Variants in CALN1 observed in about 807,000 individuals in gnomAD.
CALN1 encodes calcium-binding protein 8.
Under a neutral mutation model 30.6 loss-of-function variants are expected in CALN1, and 17 were observed. The observed-to-expected ratio is 0.56, with a 90% CI of 0.38 to 0.83. The LOEUF (loss-of-function observed/expected upper bound fraction) is 0.83, where lower values mean the gene tolerates loss of function less well. Among genes scored for constraint, CALN1 ranks in the 40% least tolerant of loss-of-function variants. The pLI, the probability that CALN1 is intolerant of heterozygous loss-of-function variation, is 0.00. For synonymous variants in CALN1, 156 were observed against 131.4 expected (o/e 1.19, Z -1.28); for missense variants, 291 against 354.9 (o/e 0.82, Z 1.45).
chr7:72,363,515 A>G (rs976812131), intron 2 of CALN1, among the ~76,000 whole-genome samples: 2 of 152,050 alleles, frequency 1.3e-5, no homozygotes, highest in African/African-American at 4.8e-5. Flanking sequence ...TTGGGATTAC[A>G]GGTGTGAGCC....
rs970022600 is a variant in CALN1, at chr7:71,957,501, C to G, written c.501+66156G>C. Among the ~76,000 whole-genome samples, 5 of 152,326 alleles carry G rather than the reference C, an allele frequency of 3.3e-5. No homozygotes were observed. In the South Asian group the frequency reaches 8.3e-4, roughly 25 times the overall value. On this transcript the variant is annotated intron_variant, in intron 5 of 6. Coordinates refer to ENST00000395275, the MANE Select transcript of CALN1 (RefSeq NM_031468.4). ...AAGACACCACTCTCAAACCTTGACA[C>G]TCTTTCTCTACCCCATTACGATCTG...
At chr7:72,143,741 C>A (rs1399416539) in intron 3 of CALN1, among the ~76,000 whole-genome samples, 1 of 152,150 alleles carries the variant, frequency 6.6e-6, no homozygotes, top group Non-Finnish European at 1.5e-5. Context: ...TCGGGTTACC[C>A]ACAAAGGGAA....
chr7:72,395,376 C>CAT (rs1554399308), intron 2 of CALN1, among the ~76,000 whole-genome samples: 2 of 151,890 alleles, frequency 1.3e-5, no homozygotes, highest in Non-Finnish European at 2.9e-5. Context: ...CACACACACA[C>CAT]ATATCCAGGG....
At chr7:72,153,666 G>A (rs761108517) in intron 3 of CALN1, among the ~76,000 whole-genome samples, 1 of 152,064 alleles carries the variant, frequency 6.6e-6, no homozygotes, top group Non-Finnish European at 1.5e-5. Flanking sequence ...GGCCAACAGA[G>A]TGAGAACCTG....
At chr7:71,951,852 A>G (rs1796708060) in intron 5 of CALN1, among the ~76,000 whole-genome samples, 1 of 152,148 alleles carries the variant, frequency 6.6e-6, no homozygotes, top group Non-Finnish European at 1.5e-5. Flanking sequence ...TGACTTTGAA[A>G]TCATGCAAGC....
chr7:71,847,683 A>G (rs1298838118), intron 5 of CALN1, among the ~76,000 whole-genome samples: 1 of 150,418 alleles, frequency 6.6e-6, no homozygotes, highest in South Asian at 2.1e-4. Flanking sequence ...CTCTGTCAAA[A>G]AAAAAAAGGA....
intron 3 of CALN1, among the ~76,000 whole-genome samples, chr7:72,178,697 A>AAAAAAG (rs1554307423): frequency 2.0e-5 from 3 of 152,060 alleles, no homozygotes; most frequent in Admixed American, 1.3e-4. Context: ...TCAAAAAAAA[A>AAAAAAG]AAAGAAAGAA....
At chr7:72,251,377 T>C (rs1585268406) in intron 3 of CALN1, among the ~76,000 whole-genome samples, 1 of 152,112 alleles carries the variant, frequency 6.6e-6, no homozygotes, top group South Asian at 2.1e-4. Context: ...GGGACATTCT[T>C]TCTCTTTCCT....
In CALN1 at chr7:71,823,989, C is replaced by T. The variant is rs1788760209; in HGVS notation, c.502-13497G>A. ...ATGGGAAAGATCCGCCTTCATGATCCAATTACCTCCCATCAGCTCCCTCCC... is the reference window on the plus strand; with the variant it reads ...ATGGGAAAGATCCGCCTTCATGATCTAATTACCTCCCATCAGCTCCCTCCC... On this transcript the variant is annotated intron_variant, in intron 5 of 6. Transcript: ENST00000395275. Among the ~76,000 whole-genome samples, 9 of 152,200 alleles carry T rather than the reference C, an allele frequency of 5.9e-5. No homozygotes were observed. The South Asian group carries it at 1.7e-3, about 28-fold the overall frequency.
At chr7:72,151,192 A>T (rs1038550991) in intron 3 of CALN1, among the ~76,000 whole-genome samples, 3 of 152,110 alleles carry the variant, frequency 2.0e-5, no homozygotes, top group Admixed American at 6.6e-5. Context: ...CATCAAGGTT[A>T]TATGTAGGGT....
intron 1 of CALN1, among the ~76,000 whole-genome samples, chr7:72,433,833 G>A (rs1808056168): frequency 6.6e-6 from 1 of 152,082 alleles, no homozygotes. Context: ...GGGAGGCCAA[G>A]GTCGCTTGAG....
chr7:72,215,559 A>G (rs1792733385), intron 3 of CALN1, among the ~76,000 whole-genome samples: 1 of 143,224 alleles, frequency 7.0e-6, no homozygotes, highest in Non-Finnish European at 1.5e-5. Flanking sequence ...ACGCCACTGC[A>G]CTCTAGCTGG....
intron 3 of CALN1, among the ~76,000 whole-genome samples, chr7:72,234,507 C>T (rs564716081): frequency 1.1e-4 from 17 of 152,064 alleles, no homozygotes; most frequent in South Asian, 4.2e-4. Context: ...AATGCCATGG[C>T]GCGATCTCGG....
At chr7:72,263,502 C>T (rs953518792) in intron 3 of CALN1, among the ~76,000 whole-genome samples, 2 of 152,028 alleles carry the variant, frequency 1.3e-5, no homozygotes, top group Non-Finnish European at 2.9e-5. Context: ...CTCACACAAT[C>T]CTTCTCCCTC....
chr7:71,931,307 C>T (rs984844986), intron 5 of CALN1, among the ~76,000 whole-genome samples: 2 of 152,026 alleles, frequency 1.3e-5, no homozygotes, highest in Non-Finnish European at 2.9e-5. Flanking sequence ...ACTCTGTCAC[C>T]CAGGCTAGAG....
At chr7:72,392,845 A>T (rs1280347158) in intron 2 of CALN1, among the ~76,000 whole-genome samples, 1 of 150,772 alleles carries the variant, frequency 6.6e-6, no homozygotes, top group East Asian at 2.0e-4. Flanking sequence ...TAAAAAAAAA[A>T]TTAATTAGCC....
chr7:72,244,497 T>C (rs1795039089), intron 3 of CALN1, among the ~76,000 whole-genome samples: 1 of 151,896 alleles, frequency 6.6e-6, no homozygotes, highest in Non-Finnish European at 1.5e-5. Flanking sequence ...AACAGAAAAG[T>C]TCCACAATTT....
At chr7:72,017,172 A>T (rs1414085747) in intron 5 of CALN1, among the ~76,000 whole-genome samples, 6 of 58,646 alleles carry the variant, frequency 1.0e-4, no homozygotes, top group African/African-American at 5.6e-4. Flanking sequence ...TCAAAAATTA[A>T]AAAAAAAAAA....
intron 2 of CALN1, among the ~76,000 whole-genome samples, chr7:72,283,260 C>G (rs1340685399): frequency 3.3e-5 from 5 of 152,076 alleles, no homozygotes; most frequent in African/African-American, 9.7e-5. Context: ...CATGGTGGCT[C>G]ACATCTATAA....
Sources: allele counts gnomAD v4.1 joint callset (sites outside exome capture counted in the v4.1 genomes callset), GRCh38; gene constraint gnomAD v4.1.1; transcripts MANE v1.5; gene names NCBI Gene and HGNC (gene_info 2026-07-23, HGNC 2026-07-21).